The following GGACT variants were observed in gnomAD, a reference collection of about 807,000 sequenced individuals.
The protein encoded by GGACT is gamma-glutamylaminecyclotransferase.
For missense variants in GGACT, 241 were observed against 233.2 expected, an observed-to-expected ratio of 1.03 and a Z score of -0.22; for synonymous variants, 118 against 115.3, an observed-to-expected ratio of 1.02 and a Z score of -0.15.
At chr13:100,560,535 G>C (rs1376281211) in intron 2 of GGACT, among the ~76,000 whole-genome samples, 1 of 152,194 alleles carries the variant, frequency 6.6e-6, no homozygotes, top group Non-Finnish European at 1.5e-5. Flanking sequence ...ACAGGGAATG[G>C]ACAGGGAGTG....
intron 2 of GGACT, among the ~76,000 whole-genome samples, chr13:100,572,263 A>C (rs1875107169): frequency 6.6e-6 from 1 of 152,236 alleles, no homozygotes; most frequent in Non-Finnish European, 1.5e-5. Flanking sequence ...ATAAGCCTTG[A>C]GAACACTATG....
intron 2 of GGACT, among the ~76,000 whole-genome samples, chr13:100,566,441 C>T (rs753945503): frequency 6.6e-6 from 1 of 152,256 alleles, no homozygotes; most frequent in Non-Finnish European, 1.5e-5. Flanking sequence ...TGGCAAAATC[C>T]TCCTTGTGCT....
intron 2 of GGACT, among the ~76,000 whole-genome samples, chr13:100,535,054 A>C (rs539008688): frequency 6.6e-6 from 1 of 152,298 alleles, no homozygotes; most frequent in African/African-American, 2.4e-5. Context: ...GAGAACTTGG[A>C]AACTGTTTGG....
chr13:100,540,045 A>G lies in GGACT; in HGVS notation c.-10-7444T>C, dbSNP rs948553746. Reference sequence around the variant, plus strand: ...AACTCACACAGTAATGTAGCTTCACATACAGCTTGGGAAGCACATAGGCAT... The same window carrying G: ...AACTCACACAGTAATGTAGCTTCACGTACAGCTTGGGAAGCACATAGGCAT... On this transcript the variant is annotated intron_variant, in intron 2 of 2. Transcript: ENST00000683975. The G allele has an allele frequency of 8.8e-5, 113 of 1,290,596 alleles. 2 individuals carry two copies. In the South Asian group the frequency reaches 1.3e-3, roughly 15 times the overall value. The allele number at this position is 1,290,596 out of a possible 1,614,324, so 79.9% of individuals were successfully genotyped here.
intron 2 of GGACT, among the ~76,000 whole-genome samples, chr13:100,544,493 C>T (rs1415124814): frequency 2.0e-5 from 3 of 152,224 alleles, no homozygotes; most frequent in Non-Finnish European, 4.4e-5. Context: ...CTGCATACCC[C>T]GGAAAAGTCC....
At chr13:100,563,748 C>T (rs2088785801) in intron 2 of GGACT, among the ~76,000 whole-genome samples, 1 of 152,210 alleles carries the variant, frequency 6.6e-6, no homozygotes, top group African/African-American at 2.4e-5. Flanking sequence ...GTTTGTTCAG[C>T]ATGTCATAAG....
chr13:100,586,004 G>A lies in GGACT; in HGVS notation c.-183-2007C>T, dbSNP rs1047845598. Reference sequence around the variant, plus strand: ...CTCAAAAAATAAAATAAAATAAAAAGGTAACAGTCAACAAATTCTTGTCTG... The same window carrying A: ...CTCAAAAAATAAAATAAAATAAAAAAGTAACAGTCAACAAATTCTTGTCTG... On this transcript the variant is annotated intron_variant, in intron 1 of 2. Coordinates refer to ENST00000683975, the MANE Select transcript of GGACT (RefSeq NM_001195087.2). Among the ~76,000 whole-genome samples the A allele has an allele frequency of 3.3e-5, 5 of 152,054 alleles. No individual in the cohort carries two copies. In the East Asian group the frequency reaches 9.6e-4, roughly 29 times the overall value.
intron 2 of GGACT, among the ~76,000 whole-genome samples, chr13:100,569,131 G>T (rs1875000540): frequency 6.6e-6 from 1 of 152,220 alleles, no homozygotes; most frequent in Non-Finnish European, 1.5e-5. Context: ...GCCATTGGTG[G>T]TTCCACCACT....
At chr13:100,583,723 A>G (rs1165723543) in intron 2 of GGACT, 102 bp downstream of exon 2, 2 of 152,178 alleles carry the variant, frequency 1.3e-5, no homozygotes, top group African/African-American at 4.8e-5. Context: ...TAAATGACAA[A>G]GAGACAAGGG....
At chr13:100,568,182 C>G (rs572307582) in intron 2 of GGACT, among the ~76,000 whole-genome samples, 1 of 152,232 alleles carries the variant, frequency 6.6e-6, no homozygotes, top group African/African-American at 2.4e-5. Flanking sequence ...CAATTTCTAC[C>G]AATCCCACTT....
At chr13:100,538,442 AT>A (rs1448244069) in intron 2 of GGACT, 4 of 152,230 alleles carry the variant, frequency 2.6e-5, no homozygotes, top group Non-Finnish European at 5.9e-5. Flanking sequence ...AAAAATTGTG[AT>A]AAAATACACA....
chr13:100,569,406 G>T (rs1875011854), intron 2 of GGACT, among the ~76,000 whole-genome samples: 1 of 152,242 alleles, frequency 6.6e-6, no homozygotes, highest in African/African-American at 2.4e-5. Flanking sequence ...GCCAAGGCTT[G>T]GGGCTTGTAC....
At chr13:100,566,773 G>A (rs1243373764) in intron 2 of GGACT, among the ~76,000 whole-genome samples, 1 of 152,230 alleles carries the variant, frequency 6.6e-6, no homozygotes, top group Non-Finnish European at 1.5e-5. Context: ...ACTACAACCT[G>A]TGACATCAGG....
chr13:100,585,974 C>T (rs1388329548), intron 1 of GGACT, among the ~76,000 whole-genome samples: 2 of 151,740 alleles, frequency 1.3e-5, no homozygotes, highest in African/African-American at 4.8e-5. Flanking sequence ...AGAGCTGGTT[C>T]CTGTCTCAAA....
In GGACT at chr13:100,532,054, G is replaced by A. The variant is rs898526963; in HGVS notation, c.*76C>T. On this transcript the variant is annotated 3_prime_UTR_variant, in exon 3 of 3. Coordinates refer to ENST00000683975, the MANE Select transcript of GGACT (RefSeq NM_001195087.2). ...TTGGAAAGGGCCCTGTTCGGCTTCC[G>A]CCTTCACCCAGCATGGGCTGGGCGC... 10 of 1,092,086 alleles carry A rather than the reference G, an allele frequency of 9.2e-6. No individual in the cohort carries two copies. Among genetic ancestry groups the A allele is most frequent in the African/African-American group, 1.6e-5 (1 of 61,888 alleles). 67.6% of individuals were successfully genotyped at this position (1,092,086 alleles called of 1,614,324 possible).
At chr13:100,584,056 A>T (rs1479582048) in intron 1 of GGACT, 59 bp from the exon 2 acceptor site, 1 of 152,206 alleles carries the variant, frequency 6.6e-6, no homozygotes, top group Admixed American at 6.5e-5. Context: ...TTAAGCAATA[A>T]GGGGCTTACA....
At chr13:100,567,736 T>A (rs932779525) in intron 2 of GGACT, among the ~76,000 whole-genome samples, 4 of 152,242 alleles carry the variant, frequency 2.6e-5, no homozygotes, top group African/African-American at 4.8e-5. Flanking sequence ...TTGAAAACCA[T>A]GAATTCACAC....
chr13:100,563,529 G>T (rs1373112270), intron 2 of GGACT, among the ~76,000 whole-genome samples: 5 of 152,070 alleles, frequency 3.3e-5, no homozygotes, highest in African/African-American at 1.2e-4. Flanking sequence ...TTTTAAAGTG[G>T]TCCAAGCTGG....
intron 2 of GGACT, among the ~76,000 whole-genome samples, chr13:100,549,906 G>T (rs1372527853): frequency 2.0e-5 from 3 of 152,118 alleles, no homozygotes; most frequent in Non-Finnish European, 4.4e-5. Context: ...TAAAAGCATA[G>T]AATTCAAAAT....
Sources: allele counts gnomAD v4.1 joint callset (sites outside exome capture counted in the v4.1 genomes callset), GRCh38; gene constraint gnomAD v4.1.1; transcripts MANE v1.5; gene names NCBI Gene and HGNC (gene_info 2026-07-23, HGNC 2026-07-21).